Variants in LRRC3B observed in about 807,000 individuals in gnomAD.
The protein encoded by LRRC3B is leucine-rich repeat-containing protein 3B.
Under a neutral mutation model 12.8 loss-of-function variants are expected in LRRC3B, and 2 were observed. The observed-to-expected ratio is 0.16, with a 90% CI of 0.06 to 0.49. The LOEUF (loss-of-function observed/expected upper bound fraction) is 0.49. Among genes scored for constraint, LRRC3B ranks in the 20% least tolerant of loss-of-function variants. LRRC3B has a pLI of 0.96. For missense variants in LRRC3B, 189 were observed against 319.4 expected (o/e 0.59, Z 3.11); for synonymous variants, 132 against 122.0 (o/e 1.08, Z -0.54).
At chr3:26,675,846 T>C (rs1371323877) in intron 1 of LRRC3B, among the ~76,000 whole-genome samples, 2 of 152,006 alleles carry the variant, frequency 1.3e-5, no homozygotes, top group Non-Finnish European at 2.9e-5. Context: ...TTTACCTTCT[T>C]ATTCTTTATG....
chr3:26,669,676 A>C (rs1699680062), intron 1 of LRRC3B, among the ~76,000 whole-genome samples: 1 of 152,212 alleles, frequency 6.6e-6, no homozygotes, highest in Admixed American at 6.5e-5. Context: ...CCTATTTGCC[A>C]TTTAAAGAAA....
In LRRC3B at chr3:26,636,840, GCCTCCCTCCCTC is replaced by G. The variant is rs1301182993; in HGVS notation, c.-161+13619_-161+13630del. 9.3e-5 allele frequency among the ~76,000 whole-genome samples: 4 copies of G among 43,084 alleles called. 1 individual carries two copies. Among genetic ancestry groups the G allele is most frequent in the Non-Finnish European group, 1.3e-4 (3 of 23,330 alleles). 28.3% of individuals were successfully genotyped at this position (43,084 alleles called of 152,430 possible). A position where few individuals can be genotyped will look rare whatever the true frequency, so the allele number is the denominator to read the frequency against. ...TCCCTCCCTCCCTCCCTCCCTCCCT[GCCTCCCTCCCTC>G]CCTCCCTCCCTCCCTTCCTTCCTTC... is the stretch of plus-strand genomic sequence containing the variant. On this transcript the variant is annotated intron_variant, in intron 1 of 1. Transcript: ENST00000396641.
chr3:26,623,180 C>G (rs1188400900), exon 1 of LRRC3B: 1 of 152,370 alleles, frequency 6.6e-6, no homozygotes, highest in African/African-American at 2.4e-5. Context: ...ACGCACCCAA[C>G]GCCTCCTCCC....
At chr3:26,679,026 C>G (rs1297963712) in intron 1 of LRRC3B, among the ~76,000 whole-genome samples, 1 of 152,188 alleles carries the variant, frequency 6.6e-6, no homozygotes, top group Non-Finnish European at 1.5e-5. Context: ...TTATCAAATC[C>G]TATGCTCATG....
chr3:26,707,944 G>T (rs1700643711), intron 1 of LRRC3B, among the ~76,000 whole-genome samples: 1 of 152,036 alleles, frequency 6.6e-6, no homozygotes, highest in Non-Finnish European at 1.5e-5. Flanking sequence ...GGTATTTAAG[G>T]GACTCGACTC....
chr3:26,671,358 A>ATATATATATATATG (rs1553603729), intron 1 of LRRC3B, among the ~76,000 whole-genome samples: 10 of 69,202 alleles, frequency 1.4e-4, no homozygotes, highest in African/African-American at 6.2e-4. Flanking sequence ...GTGTATATAT[A>ATATATATATATATG]TATATATATA....
chr3:26,706,079 T>G (rs1462268278), intron 1 of LRRC3B, among the ~76,000 whole-genome samples: 2 of 152,212 alleles, frequency 1.3e-5, no homozygotes, highest in Admixed American at 6.5e-5. Flanking sequence ...ATTTGGTTTC[T>G]GGTGAGATCC....
chr3:26,632,896 T>TACAG (rs1698788562), intron 1 of LRRC3B, among the ~76,000 whole-genome samples: 1 of 152,114 alleles, frequency 6.6e-6, no homozygotes, highest in Non-Finnish European at 1.5e-5. Context: ...CTGACGATTG[T>TACAG]CCACATTTTT....
intron 1 of LRRC3B, among the ~76,000 whole-genome samples, chr3:26,667,922 TA>T (rs1386208185): frequency 1.3e-5 from 2 of 151,902 alleles, no homozygotes; most frequent in African/African-American, 2.4e-5. Flanking sequence ...TATTTTATTT[TA>T]TTTTTTTATT....
exon 2 of LRRC3B, chr3:26,710,651 C>T (rs900873253): frequency 1.8e-5 from 9 of 501,640 alleles, no homozygotes; most frequent in Non-Finnish European, 3.2e-5. Context: ...TTAATTGTAC[C>T]CCCGATGGTA....
intron 1 of LRRC3B, among the ~76,000 whole-genome samples, chr3:26,640,390 C>G (rs1698999315): frequency 6.6e-6 from 1 of 151,132 alleles, no homozygotes; most frequent in East Asian, 1.9e-4. Flanking sequence ...AAACATACCC[C>G]CAAAACTCCC....
intron 1 of LRRC3B, among the ~76,000 whole-genome samples, chr3:26,658,356 C>T (rs755024689): frequency 5.3e-5 from 8 of 152,242 alleles, no homozygotes; most frequent in Non-Finnish European, 8.8e-5. Context: ...CCACGCCCGG[C>T]CAAGTCAGCT....
At chr3:26,675,541 G>C (rs569135826) in intron 1 of LRRC3B, among the ~76,000 whole-genome samples, 2 of 152,282 alleles carry the variant, frequency 1.3e-5, no homozygotes, top group Middle Eastern at 3.4e-3. Flanking sequence ...AAGCCTCACT[G>C]AGTGTTTTTT....
At chr3:26,688,703 G>A (rs1037456581) in intron 1 of LRRC3B, among the ~76,000 whole-genome samples, 14 of 152,088 alleles carry the variant, frequency 9.2e-5, no homozygotes, top group East Asian at 1.9e-4. Flanking sequence ...AACCATTCAC[G>A]AAAGATCCTC....
intron 1 of LRRC3B, among the ~76,000 whole-genome samples, chr3:26,699,449 T>C (rs1158428269): frequency 6.6e-6 from 1 of 152,140 alleles, no homozygotes; most frequent in African/African-American, 2.4e-5. Context: ...CTGAAATTCA[T>C]TACTTGGGAA....
chr3:26,709,156 C>A (rs1432022547), intron 1 of LRRC3B, among the ~76,000 whole-genome samples: 1 of 152,168 alleles, frequency 6.6e-6, no homozygotes, highest in Non-Finnish European at 1.5e-5. Flanking sequence ...ATTAATGCAT[C>A]TGTTATCTCA....
chr3:26,646,895 T>C (rs1050723204), intron 1 of LRRC3B, among the ~76,000 whole-genome samples: 15 of 151,964 alleles, frequency 9.9e-5, no homozygotes, highest in African/African-American at 3.4e-4. Context: ...TGGCTGTGAA[T>C]TTGGCTCAAG....
exon 2 of LRRC3B, chr3:26,710,478 A>C (rs568481674): frequency 6.5e-7 from 1 of 1,531,156 alleles, no homozygotes. Context: ...TCATTGAGAA[A>C]GAAAGAAAGT....
intron 1 of LRRC3B, among the ~76,000 whole-genome samples, chr3:26,664,746 G>T (rs927022480): frequency 6.6e-6 from 1 of 152,028 alleles, no homozygotes; most frequent in Admixed American, 6.6e-5. Flanking sequence ...TCTCGCCTCC[G>T]ATTTGTTCCC....
Sources: gnomAD v4.1 joint callset for allele counts (sites outside exome capture counted in the v4.1 genomes callset) on GRCh38, gnomAD v4.1.1 for gene constraint, MANE v1.5 for transcripts, NCBI Gene and HGNC (gene_info 2026-07-23, HGNC 2026-07-21) for gene names.